The following MYO16 variants were observed in gnomAD, a reference collection of about 807,000 sequenced individuals.
MYO16 encodes the protein unconventional myosin-XVI.
Under a neutral mutation model 205.3 loss-of-function variants are expected in MYO16, and 94 were observed. The observed-to-expected ratio is 0.46, with a 90% CI of 0.39 to 0.54. The LOEUF (loss-of-function observed/expected upper bound fraction) is 0.54. Among genes scored for constraint, MYO16 ranks in the 20% least tolerant of loss-of-function variants. MYO16 has a pLI of 0.00. For missense variants in MYO16, 2,315 were observed against 2,387.5 expected (o/e 0.97, Z 0.63); for synonymous variants, 988 against 954.0 (o/e 1.04, Z -0.66).
intron 17 of MYO16, among the ~76,000 whole-genome samples, chr13:108,961,102 T>G (rs1883562175): frequency 6.6e-6 from 1 of 152,164 alleles, no homozygotes. Context: ...CACCATGATG[T>G]AGGTTCTTGA....
At chr13:109,035,419 T>G (rs1451315065) in intron 23 of MYO16, among the ~76,000 whole-genome samples, 1 of 152,136 alleles carries the variant, frequency 6.6e-6, no homozygotes, top group Non-Finnish European at 1.5e-5. Flanking sequence ...CATGGTGGCT[T>G]ATTCCTGTAA....
chr13:109,102,106 T>TA (rs1295067374), intron 28 of MYO16, among the ~76,000 whole-genome samples: 1 of 152,050 alleles, frequency 6.6e-6, no homozygotes, highest in Non-Finnish European at 1.5e-5. Flanking sequence ...CTTTTTTTTT[T>TA]AACTAATAAT....
At chr13:108,774,753 A>G (rs778407542) in intron 4 of MYO16, among the ~76,000 whole-genome samples, 12 of 152,200 alleles carry the variant, frequency 7.9e-5, no homozygotes, top group Non-Finnish European at 1.6e-4. Flanking sequence ...TTATGAAGAT[A>G]TTACATGTAC....
intron 27 of MYO16, among the ~76,000 whole-genome samples, chr13:109,080,108 C>T (rs1219580546): frequency 6.6e-6 from 1 of 151,812 alleles, no homozygotes. Flanking sequence ...AACTCCTGAC[C>T]TCGTGATCCA....
intron 1 of MYO16, among the ~76,000 whole-genome samples, chr13:108,654,544 A>T (rs1566530988): frequency 6.6e-6 from 1 of 152,232 alleles, no homozygotes; most frequent in Non-Finnish European, 1.5e-5. Context: ...TGACTAATAC[A>T]GTAAACTGGT....
At chr13:108,880,148 C>T (rs933500721) in intron 12 of MYO16, among the ~76,000 whole-genome samples, 5 of 152,216 alleles carry the variant, frequency 3.3e-5, no homozygotes, top group African/African-American at 1.2e-4. Context: ...CTGTTGGCTG[C>T]ATAAATGTCT....
At chr13:108,589,533 C>A in the MYO16 span, among the ~76,000 whole-genome samples, 1 of 152,026 alleles carries the variant, frequency 6.6e-6, no homozygotes, top group Non-Finnish European at 1.5e-5. Flanking sequence ...ATCACTGTCA[C>A]AAAAAAGCAA....
At chr13:108,842,743 A>G (rs431015) in intron 9 of MYO16, among the ~76,000 whole-genome samples, 151,951 of 152,212 alleles carry the variant, frequency 1, 75,845 homozygotes, top group Non-Finnish European at 1. Flanking sequence ...ATCCAGTATT[A>G]CAATTCTGGA....
chr13:109,174,748 C>CTTT lies in MYO16; in HGVS notation c.5324-4775_5324-4773dup, dbSNP rs34606084. Reference sequence around the variant, plus strand: ...AGTCTCTTTCTCATTCTTGTCTTGTCTTTTTTTTTTTTTTTTTTTTTGAGA... The same window carrying CTTT: ...AGTCTCTTTCTCATTCTTGTCTTGTCTTTTTTTTTTTTTTTTTTTTTTTTGAGA... On this transcript the variant is annotated intron_variant, in intron 33 of 34. Transcript: ENST00000457511. 6.0e-3 allele frequency among the ~76,000 whole-genome samples: 510 copies of CTTT among 85,604 alleles called. 24 individuals carry two copies. The highest frequency in any genetic ancestry group is 0.019 in the African/African-American group (472 of 25,314). 56.2% of individuals were successfully genotyped at this position (85,604 alleles called of 152,430 possible).
intron 2 of MYO16, among the ~76,000 whole-genome samples, chr13:108,674,852 A>T (rs1882134658): frequency 6.6e-6 from 1 of 152,212 alleles, no homozygotes; most frequent in Non-Finnish European, 1.5e-5. Flanking sequence ...CGGATTGTAG[A>T]GCAAATATAA....
rs181439028 is a variant in MYO16 at position 109,080,701 on chromosome 13, G to A, written c.3336-20084G>A. ...TGATGATCTACCAGTGCTTTAACCC[G>A]GAGAACTCTGAGACATGAAAAAAAA... On this transcript the variant is annotated intron_variant, in intron 27 of 34. Transcript: ENST00000457511. Among the ~76,000 whole-genome samples the A allele has an allele frequency of 1.6e-3, 241 of 152,042 alleles. 2 individuals are homozygous for A. Among genetic ancestry groups the A allele is most frequent in the African/African-American group, 5.4e-3 (226 of 41,472 alleles).
chr13:108,657,075 C>T (rs1450195602), intron 1 of MYO16, among the ~76,000 whole-genome samples: 1 of 152,192 alleles, frequency 6.6e-6, no homozygotes, highest in Non-Finnish European at 1.5e-5. Context: ...TCATCTTGAA[C>T]GGTCTTAATG....
chr13:109,113,479 A>G (rs1327124002), intron 28 of MYO16, among the ~76,000 whole-genome samples: 1 of 152,192 alleles, frequency 6.6e-6, no homozygotes, highest in African/African-American at 2.4e-5. Flanking sequence ...TTAGACAAGA[A>G]AGGAACATAA....
intron 1 of MYO16, among the ~76,000 whole-genome samples, chr13:108,642,559 A>C (rs1391476248): frequency 2.6e-5 from 4 of 152,142 alleles, no homozygotes. Context: ...CTGAGACTAC[A>C]GGCATGCACC....
chr13:109,022,143 TTATATATACAAATTTATA>T (rs1463561822), intron 23 of MYO16, among the ~76,000 whole-genome samples: 1 of 93,822 alleles, frequency 1.1e-5, no homozygotes, highest in African/African-American at 5.1e-5. Flanking sequence ...ATATATATAT[TTATATATACAAATTTATA>T]TATACAAATA....
intron 28 of MYO16, among the ~76,000 whole-genome samples, chr13:109,116,562 G>C (rs568502333): frequency 2.0e-5 from 3 of 151,870 alleles, no homozygotes; most frequent in Non-Finnish European, 4.4e-5. Context: ...CTCAACTACC[G>C]ACCATCAAGA....
chr13:108,658,138 A>G (rs1881326900), intron 1 of MYO16, among the ~76,000 whole-genome samples: 1 of 152,166 alleles, frequency 6.6e-6, no homozygotes. Context: ...AAAGAACTGG[A>G]TGAAAATGCA....
chr13:109,149,247 G>A (rs1048753709), intron 32 of MYO16, among the ~76,000 whole-genome samples: 4 of 152,180 alleles, frequency 2.6e-5, no homozygotes, highest in African/African-American at 2.4e-5. Context: ...ACACTGTGAC[G>A]TGTTAATGGC....
chr13:109,049,201 C>T (rs1234779137), intron 24 of MYO16, among the ~76,000 whole-genome samples: 5 of 151,770 alleles, frequency 3.3e-5, no homozygotes, highest in African/African-American at 9.7e-5. Flanking sequence ...GACACTTCCG[C>T]TCTCAGTATT....
Sources: allele counts gnomAD v4.1 joint callset (sites outside exome capture counted in the v4.1 genomes callset), GRCh38; gene constraint gnomAD v4.1.1; transcripts MANE v1.5; gene names NCBI Gene and HGNC (gene_info 2026-07-23, HGNC 2026-07-21).